FSTL5: variants seen among roughly 807,000 people sequenced by gnomAD.
FSTL5 encodes the protein follistatin like 5.
FSTL5 carries 62 observed loss-of-function variants against 89.1 expected under a neutral mutation model. That is an observed-to-expected ratio of 0.70 (90% CI 0.57 to 0.86). FSTL5 has a LOEUF of 0.86. FSTL5 is among the 40% of genes least tolerant of loss of function. FSTL5 has a pLI of 0.00. For synonymous variants in FSTL5, 383 were observed against 346.2 expected (o/e 1.11, Z -1.18); for missense variants, 1,057 against 1,001.6 (o/e 1.06, Z -0.75).
chr4:161,429,769 T>C (rs1350809055), intron 15 of FSTL5, among the ~76,000 whole-genome samples: 13 of 152,134 alleles, frequency 8.5e-5, no homozygotes, highest in Admixed American at 8.5e-4. Context: ...GATCCCAGAC[T>C]GTGAAAACTA....
intron 8 of FSTL5, among the ~76,000 whole-genome samples, chr4:161,572,341 A>G (rs1223557697): frequency 6.8e-6 from 1 of 146,416 alleles, no homozygotes; most frequent in Non-Finnish European, 1.5e-5. Context: ...AAAAAAAAAA[A>G]AAAGAGAGAG....
intron 10 of FSTL5, 39 bp from the exon 11 acceptor site, chr4:161,510,463 G>A (rs1336290203): frequency 8.1e-7 from 1 of 1,238,400 alleles, no homozygotes; most frequent in Non-Finnish European, 1.1e-6. Context: ...AAAGAAAAAT[G>A]AGTAAAGAGA....
chr4:162,057,462 T>C (rs888545696), intron 2 of FSTL5, among the ~76,000 whole-genome samples: 3 of 152,188 alleles, frequency 2.0e-5, no homozygotes, highest in African/African-American at 7.2e-5. Context: ...ATATTTCCTG[T>C]TTTTATATAG....
intron 3 of FSTL5, among the ~76,000 whole-genome samples, chr4:161,968,337 A>G (rs183695825): frequency 5.9e-5 from 9 of 152,242 alleles, no homozygotes; most frequent in Admixed American, 5.9e-4. Flanking sequence ...CATGGACAAT[A>G]TAAATGCAAT....
At chr4:161,768,482 A>G (rs900335702) in intron 5 of FSTL5, among the ~76,000 whole-genome samples, 1 of 152,024 alleles carries the variant, frequency 6.6e-6, no homozygotes, top group Non-Finnish European at 1.5e-5. Context: ...AGACTTATCC[A>G]TTATATCTAG....
At chr4:162,120,022 C>T (rs191110197) in intron 1 of FSTL5, among the ~76,000 whole-genome samples, 1 of 151,914 alleles carries the variant, frequency 6.6e-6, no homozygotes, top group Non-Finnish European at 1.5e-5. Context: ...AGAATTAAGA[C>T]CATTAATTTA....
intron 11 of FSTL5, among the ~76,000 whole-genome samples, chr4:161,503,880 T>G (rs1320997001): frequency 6.6e-6 from 1 of 152,032 alleles, no homozygotes; most frequent in Non-Finnish European, 1.5e-5. Context: ...GATATGATTT[T>G]GGGCCAAGCC....
chr4:161,670,787 C>T (rs1477595801), intron 6 of FSTL5, among the ~76,000 whole-genome samples: 1 of 152,154 alleles, frequency 6.6e-6, no homozygotes, highest in East Asian at 1.9e-4. Context: ...AAGACTGGGC[C>T]TTAACTATGC....
chr4:161,872,058 C>T (rs1215429187), intron 4 of FSTL5, among the ~76,000 whole-genome samples: 1 of 147,022 alleles, frequency 6.8e-6, no homozygotes, highest in African/African-American at 2.5e-5. Flanking sequence ...GTGGTGTGAT[C>T]TCGGCTCAGC....
chr4:161,583,068 G>T (rs976601941), intron 8 of FSTL5, among the ~76,000 whole-genome samples: 2 of 152,092 alleles, frequency 1.3e-5, no homozygotes, highest in Admixed American at 6.5e-5. Flanking sequence ...CAGGCGTGGT[G>T]GCGGGCACCT....
rs1436387961 is a variant in FSTL5 at position 162,154,207 on chromosome 4, C to T, written c.-17+9408G>A. ...TTAGTTATCTTTATTTAGCTTTTGTCAAAATAAAATTGTTTTAATTGTATA... is the reference window on the plus strand; with the variant it reads ...TTAGTTATCTTTATTTAGCTTTTGTTAAAATAAAATTGTTTTAATTGTATA... On this transcript the variant is annotated intron_variant, in intron 1 of 15. Coordinates refer to ENST00000306100, the MANE Select transcript of FSTL5 (RefSeq NM_020116.5). Among the ~76,000 whole-genome samples, 2 of 151,982 alleles carry T rather than the reference C, an allele frequency of 1.3e-5. 1 individual carries two copies. Among genetic ancestry groups the T allele is most frequent in the African/African-American group, 4.8e-5 (2 of 41,466 alleles).
At chr4:161,433,725 G>A (rs1043695403) in intron 15 of FSTL5, among the ~76,000 whole-genome samples, 1 of 151,972 alleles carries the variant, frequency 6.6e-6, no homozygotes, top group Non-Finnish European at 1.5e-5. Flanking sequence ...GGATAAAAAA[G>A]TCAACATACA....
intron 4 of FSTL5, among the ~76,000 whole-genome samples, chr4:161,897,506 C>A (rs967454167): frequency 1.1e-4 from 15 of 137,492 alleles, no homozygotes; most frequent in African/African-American, 4.1e-4. Flanking sequence ...ACCTGGGAGG[C>A]GGAGGTCACG....
intron 3 of FSTL5, among the ~76,000 whole-genome samples, chr4:161,965,000 G>T (rs1472736111): frequency 6.6e-6 from 1 of 151,896 alleles, no homozygotes; most frequent in African/African-American, 2.4e-5. Flanking sequence ...TATCAAGAAA[G>T]GACCTAGAGT....
chr4:161,597,102 G>A (rs1734042109), intron 7 of FSTL5, among the ~76,000 whole-genome samples: 1 of 152,020 alleles, frequency 6.6e-6, no homozygotes, highest in African/African-American at 2.4e-5. Context: ...TGAAGTCCTT[G>A]CCCATGCCTA....
chr4:161,467,858 A>AT (rs1383135387), intron 13 of FSTL5, among the ~76,000 whole-genome samples: 6 of 152,112 alleles, frequency 3.9e-5, no homozygotes, highest in African/African-American at 7.2e-5. Flanking sequence ...CAAAACTTAC[A>AT]TTTTTTAAAA....
intron 7 of FSTL5, among the ~76,000 whole-genome samples, chr4:161,608,226 GA>G (rs1734518810): frequency 6.6e-6 from 1 of 152,056 alleles, no homozygotes; most frequent in African/African-American, 2.4e-5. Flanking sequence ...TAATCATAAG[GA>G]ATATATAACT....
chr4:161,999,784 A>T (rs896111757), intron 3 of FSTL5, among the ~76,000 whole-genome samples: 2 of 152,226 alleles, frequency 1.3e-5, no homozygotes, highest in African/African-American at 4.8e-5. Context: ...ACCACATGAA[A>T]TCATGATACA....
intron 15 of FSTL5, 37 bp downstream of exon 15, chr4:161,454,967 A>C (rs777116885): frequency 6.3e-7 from 1 of 1,593,142 alleles, no homozygotes. Flanking sequence ...AATAGAGACA[A>C]ATCTTTAAAA....
Sources: allele counts gnomAD v4.1 joint callset (sites outside exome capture counted in the v4.1 genomes callset), GRCh38; gene constraint gnomAD v4.1.1; transcripts MANE v1.5; gene names NCBI Gene and HGNC (gene_info 2026-07-23, HGNC 2026-07-21).